TWF2: variants seen among roughly 807,000 people sequenced by gnomAD.
TWF2 encodes twinfilin actin binding protein 2, also known as twinfilin-2.
A neutral mutation model predicts 45.1 loss-of-function variants in TWF2; 15 were observed. The observed-to-expected ratio is 0.33, with a 90% CI of 0.22 to 0.51. The LOEUF is 0.51. Ranked by LOEUF, TWF2 falls within the 20% of genes least tolerant of loss-of-function variation. The pLI is 0.97. For missense variants in TWF2, 423 were observed against 469.1 expected, an observed-to-expected ratio of 0.90 and a Z score of 0.91; for synonymous variants, 177 against 195.8, an observed-to-expected ratio of 0.90 and a Z score of 0.80.
chr3:52,230,318 C>T (rs1007484041), intron 6 of TWF2, among the ~76,000 whole-genome samples: 2 of 152,338 alleles, frequency 1.3e-5, no homozygotes, highest in African/African-American at 4.8e-5. Flanking sequence ...GGGTAGTCAA[C>T]GGTAGTGACT....
At chr3:52,238,861 C>G in intron 1 of TWF2, 131 bp downstream of exon 1, 1 of 1,320,760 alleles carries the variant, frequency 7.6e-7, no homozygotes, top group Non-Finnish European at 1.0e-6. Flanking sequence ...CCCAGGCGAC[C>G]CGCGGCTGCA....
chr3:52,236,469 A>G (rs1447310305), intron 1 of TWF2, among the ~76,000 whole-genome samples: 2 of 152,130 alleles, frequency 1.3e-5, no homozygotes, highest in Admixed American at 1.3e-4. Flanking sequence ...ACCACGGCCC[A>G]TGTGGGGAAG....
intron 2 of TWF2, among the ~76,000 whole-genome samples, chr3:52,233,016 A>G (rs539342195): frequency 6.6e-6 from 1 of 152,326 alleles, no homozygotes; most frequent in African/African-American, 2.4e-5. Flanking sequence ...CGTCTCAAAA[A>G]AAGAAAGAAA....
chr3:52,235,474 C>T (rs1460054529), intron 1 of TWF2, among the ~76,000 whole-genome samples: 1 of 152,174 alleles, frequency 6.6e-6, no homozygotes, highest in African/African-American at 2.4e-5. Context: ...ACACTCAGCA[C>T]AGTCATATAC....
Position 52,229,962 on chromosome 3 carries a change from G to A in TWF2, c.718C>T (p.Leu240Phe), listed in dbSNP as rs1316879083. The A allele has an allele frequency of 6.2e-7, 1 of 1,613,244 alleles. No individual in the cohort carries two copies. The highest frequency in any genetic ancestry group is 1.1e-5 in the South Asian group (1 of 91,038). ...TCGCCCTCATGGGTGTGCTTGTAGA[G>A]GAAGAAGTGGTAGCGGGCAGCATCT... ...PRDAARYHFF[L>F]YKHTHEGDPL... The change falls in exon 7 of 9, where the codon CTC (leucine) becomes TTC (phenylalanine). Residue 240 changes from leucine (L) to phenylalanine (F), a missense_variant. Physicochemically the swap from Leu to Phe is conservative, Grantham distance 22. Transcript: ENST00000305533.
At chr3:52,238,548 T>A (rs1192881037) in intron 1 of TWF2, among the ~76,000 whole-genome samples, 1 of 152,114 alleles carries the variant, frequency 6.6e-6, no homozygotes, top group African/African-American at 2.4e-5. Context: ...CACTGATGTC[T>A]AAAGAGGGTC....
chr3:52,229,019 C>T lies in TWF2; in HGVS notation c.*15G>A. ...AGCCCCACAGTCCACACGTGGCCGG[C>T]CCTGCTCCAGCCTCCTAGCTGTCAT... On this transcript the variant is annotated 3_prime_UTR_variant, in exon 9 of 9. Transcript: ENST00000305533. 6.2e-7 allele frequency: 1 copy of T among 1,609,180 alleles called. No homozygotes were observed. The highest frequency in any genetic ancestry group is 8.5e-7 in the Non-Finnish European group (1 of 1,178,632).
At chr3:52,235,338 G>T (rs1423137448) in intron 1 of TWF2, among the ~76,000 whole-genome samples, 4 of 151,952 alleles carry the variant, frequency 2.6e-5, no homozygotes, top group Non-Finnish European at 5.9e-5. Flanking sequence ...ATGGGGCGGG[G>T]TGGGCAGGGA....
In TWF2 at chr3:52,228,727, T is replaced by TG. The variant is rs1699648780; in HGVS notation, c.*306dup. On this transcript the variant is annotated 3_prime_UTR_variant, in exon 9 of 9. Transcript: ENST00000305533. ...TTCTTGTGGCCAAAGGTTTCTGGGC[T>TG]GTGCTGGGACCCTAGTCTCAGCTCC... The TG allele has an allele frequency of 2.6e-6, 1 of 388,472 alleles. No individual in the cohort carries two copies. Among genetic ancestry groups the TG allele is most frequent in the South Asian group, 3.9e-5 (1 of 25,518 alleles). 24.1% of individuals were successfully genotyped at this position (388,472 alleles called of 1,614,324 possible).
rs781419320 is a variant in TWF2, at chr3:52,229,935, G to C, written c.745C>G (p.Pro249Ala). 24 of 1,612,156 alleles carry C rather than the reference G, an allele frequency of 1.5e-5. No individual in the cohort carries two copies. The highest frequency in any genetic ancestry group is 8.3e-5 in the Admixed American group (5 of 59,918). The change falls in exon 7 of 9, where the codon CCC (proline) becomes GCC (alanine). Residue 249 changes from proline to alanine, a missense_variant. Transcript: ENST00000305533. ...GGCCACTCACCTACAGACTCAAGGGGGTCGCCCTCATGGGTGTGCTTGTAG... is the reference window on the plus strand; with the variant it reads ...GGCCACTCACCTACAGACTCAAGGGCGTCGCCCTCATGGGTGTGCTTGTAG... ...FLYKHTHEGD[P>A]LESVVFIYSM...
chr3:52,228,926 C>T lies in TWF2; in HGVS notation c.*108G>A. The stretch of plus-strand genomic sequence containing the variant: ...GCAAGTGCGTTCAGCTGCCAGCCCT[C>T]CTGACCTCCCAGAAACACTTTCCTG... On this transcript the variant is annotated 3_prime_UTR_variant, in exon 9 of 9. Transcript: ENST00000305533. 1 of 1,502,106 alleles carries T rather than the reference C, an allele frequency of 6.7e-7. No homozygotes were observed. Among genetic ancestry groups the T allele is most frequent in the Non-Finnish European group, 8.9e-7 (1 of 1,121,942 alleles). The allele number at this position is 1,502,106 out of a possible 1,614,324, so 93.0% of individuals were successfully genotyped here.
chr3:52,231,305 G>A lies in TWF2; in HGVS notation c.379-74C>T, dbSNP rs115585422. 0.026 allele frequency: 41,710 copies of A among 1,583,592 alleles called. 647 individuals are homozygous for A. Among genetic ancestry groups the A allele is most frequent in the Non-Finnish European group, 0.031 (36,051 of 1,154,392 alleles). ...TGGCTAGAGGAGGCCCACGGAGCAC[G>A]CCAGCTTGCAGCCCTTGGACTCCCC... is the stretch of plus-strand genomic sequence containing the variant. On this transcript the variant is annotated intron_variant, in intron 4 of 8. Transcript: ENST00000305533.
intron 2 of TWF2, 127 bp downstream of exon 2, chr3:52,234,902 C>G: frequency 9.6e-7 from 1 of 1,040,556 alleles, no homozygotes; most frequent in Non-Finnish European, 1.4e-6. Context: ...AGGATGGCCT[C>G]ACACCCATTT....
chr3:52,230,186 C>G, intron 6 of TWF2, 116 bp from the exon 7 acceptor site: 1 of 1,351,362 alleles, frequency 7.4e-7, no homozygotes, highest in Admixed American at 2.7e-5. Flanking sequence ...TGTGACCTCC[C>G]TCTCCCAAGA....
At position 52,229,739 on chromosome 3, in the gene TWF2, C is replaced by T. The variant is rs1196644039; in HGVS notation, c.804G>A (p.Glu268=). Residue 268 remains glutamate, a synonymous_variant, in exon 8 of 9, where the codon GAG becomes GAA. Coordinates refer to ENST00000305533, the MANE Select transcript of TWF2 (RefSeq NM_007284.4). The part of the protein sequence containing the change: ...SMPGYKCSIK[E]RMLYSSCKSR... ...TCTTGCAGCTGGAGTAGAGCATTCG[C>T]TCCTTGATGCTGCACTTGTACCCCG... is the stretch of plus-strand genomic sequence containing the variant. The T allele has an allele frequency of 1.2e-6, 2 of 1,613,242 alleles. No individual in the cohort carries two copies. Among genetic ancestry groups the T allele is most frequent in the Non-Finnish European group, 1.7e-6 (2 of 1,179,992 alleles).
intron 2 of TWF2, among the ~76,000 whole-genome samples, chr3:52,234,020 G>A (rs1699703614): frequency 6.6e-6 from 1 of 152,064 alleles, no homozygotes; most frequent in Non-Finnish European, 1.5e-5. Context: ...TAAGGGTGGG[G>A]TGGCTGTGGC....
At chr3:52,231,875 CAGGGCA>C in intron 3 of TWF2, 63 bp downstream of exon 3, 1 of 1,566,110 alleles carries the variant, frequency 6.4e-7, no homozygotes, top group Non-Finnish European at 8.7e-7. Context: ...TTGGATCCCC[CAGGGCA>C]AGGCCTTGTT....
In TWF2 at chr3:52,230,862, G is replaced by A; in HGVS notation, c.609+8C>T. ...CAGCATGTGCCAGGGTAGGGAGCAG[G>A]CACCCACCATCTGGATGTAGTTGAC... On this transcript the variant is annotated splice_region_variant and intron_variant, in intron 6 of 8. Transcript: ENST00000305533. The A allele has an allele frequency of 6.2e-7, 1 of 1,610,532 alleles. No individual in the cohort carries two copies. Among genetic ancestry groups the A allele is most frequent in the Non-Finnish European group, 8.5e-7 (1 of 1,178,400 alleles).
At chr3:52,231,374 C>T (rs1699676679) in intron 4 of TWF2, 70 bp downstream of exon 4, 2 of 1,591,048 alleles carry the variant, frequency 1.3e-6, no homozygotes, top group Admixed American at 3.4e-5. Flanking sequence ...AGCTTGCTCT[C>T]TGACCCTGCA....
Sources: gnomAD v4.1 joint callset for allele counts (sites outside exome capture counted in the v4.1 genomes callset) on GRCh38, gnomAD v4.1.1 for gene constraint, MANE v1.5 for transcripts, NCBI Gene and HGNC (gene_info 2026-07-23, HGNC 2026-07-21) for gene names.